The following THSD7B variants were observed in gnomAD, a reference collection of about 807,000 sequenced individuals.
The protein encoded by THSD7B is thrombospondin type-1 domain-containing protein 7B.
A neutral mutation model predicts 213.6 loss-of-function variants in THSD7B; 138 were observed. That is an observed-to-expected ratio of 0.65 (90% CI 0.56 to 0.74). THSD7B has a LOEUF of 0.74. THSD7B is among the 30% of genes least tolerant of loss of function. The probability of loss-of-function intolerance (pLI) is 0.00; values close to 1 mark genes in which losing one functional copy is unlikely to be tolerated. For missense variants in THSD7B, 1,931 were observed against 1,991.5 expected, an observed-to-expected ratio of 0.97 and a Z score of 0.58; for synonymous variants, 742 against 687.0, an observed-to-expected ratio of 1.08 and a Z score of -1.25.
At position 137,056,668 on chromosome 2, in the gene THSD7B, G is replaced by A. The variant is rs747686362; in HGVS notation, c.388G>A (p.Glu130Lys). ...ARGEVKPRTA[E>K]CVTAQHGLQH... ...CGGTGAAGTCAAGCCTCGGACTGCA[G>A]AGTGTGTGACGGCTCAGCATGGACT... The change falls in exon 3 of 28, where the codon GAG (glutamate) becomes AAG (lysine). Residue 130 changes from glutamate (E) to lysine (K), a missense_variant. Glu to Lys is a moderately conservative substitution (Grantham distance 56). Transcript: ENST00000409968. The A allele has an allele frequency of 6.2e-7, 1 of 1,614,012 alleles. No individual in the cohort carries two copies. The highest frequency in any genetic ancestry group is 8.5e-7 in the Non-Finnish European group (1 of 1,179,890).
At chr2:137,511,957 A>G (rs1679969413) in intron 15 of THSD7B, 1 of 152,162 alleles carries the variant, frequency 6.6e-6, no homozygotes, top group Non-Finnish European at 1.5e-5. Flanking sequence ...TTGCCACCCT[A>G]TATGAAGCAG....
intron 15 of THSD7B, among the ~76,000 whole-genome samples, chr2:137,530,498 T>C (rs116526199): frequency 1.5e-3 from 232 of 152,092 alleles, no homozygotes; most frequent in African/African-American, 5.3e-3. Flanking sequence ...AAATGACCCT[T>C]GAAATGACAA....
chr2:137,024,316 C>G (rs1573773229), intron 2 of THSD7B, among the ~76,000 whole-genome samples: 1 of 152,012 alleles, frequency 6.6e-6, no homozygotes, highest in Non-Finnish European at 1.5e-5. Context: ...AAAGTGTGAG[C>G]TGGAATTTGC....
At chr2:137,423,350 A>T (rs1686969234) in intron 14 of THSD7B, among the ~76,000 whole-genome samples, 1 of 152,122 alleles carries the variant, frequency 6.6e-6, no homozygotes, top group African/African-American at 2.4e-5. Flanking sequence ...GAGTTAAACT[A>T]CATCTATTGG....
chr2:136,886,461 A>C (rs975054744), intron 2 of THSD7B, among the ~76,000 whole-genome samples: 2 of 152,046 alleles, frequency 1.3e-5, no homozygotes, highest in Non-Finnish European at 2.9e-5. Context: ...GCTATATTAT[A>C]TTTAAGGCCA....
intron 8 of THSD7B, among the ~76,000 whole-genome samples, chr2:137,232,307 C>T (rs988642795): frequency 1.6e-4 from 25 of 152,296 alleles, no homozygotes; most frequent in Middle Eastern, 3.4e-3. Flanking sequence ...GGGGATAGCA[C>T]ATTGTCAGGT....
chr2:136,782,651 G>A (rs1039470362), intron 1 of THSD7B, among the ~76,000 whole-genome samples: 3 of 152,036 alleles, frequency 2.0e-5, no homozygotes, highest in Non-Finnish European at 4.4e-5. Context: ...TTGGTCAAAG[G>A]ATACATAATT....
intron 1 of THSD7B, among the ~76,000 whole-genome samples, chr2:136,802,653 A>ATATATATATG (rs1682209073): frequency 1.0e-5 from 1 of 96,990 alleles, no homozygotes; most frequent in African/African-American, 4.1e-5. Flanking sequence ...ATATATATAT[A>ATATATATATG]TATATATATA....
chr2:137,654,094 GT>G (rs1315253471), intron 21 of THSD7B, among the ~76,000 whole-genome samples: 1 of 152,014 alleles, frequency 6.6e-6, no homozygotes, highest in Non-Finnish European at 1.5e-5. Context: ...TAATTTAACT[GT>G]TGGTTTTCTT....
At chr2:137,383,700 TG>T (rs1272246465) in intron 12 of THSD7B, among the ~76,000 whole-genome samples, 1 of 152,200 alleles carries the variant, frequency 6.6e-6, no homozygotes, top group Non-Finnish European at 1.5e-5. Flanking sequence ...ACTGTACATA[TG>T]GCTTGCGTCC....
At chr2:137,022,868 G>A (rs960912255) in intron 2 of THSD7B, among the ~76,000 whole-genome samples, 3 of 152,078 alleles carry the variant, frequency 2.0e-5, no homozygotes, top group Admixed American at 2.0e-4. Context: ...ACTTAATTCT[G>A]CTGTTGTAGC....
chr2:137,674,527 T>C (rs1430314283), intron 27 of THSD7B, among the ~76,000 whole-genome samples: 1 of 152,192 alleles, frequency 6.6e-6, no homozygotes, highest in Non-Finnish European at 1.5e-5. Context: ...CAGGACTCCA[T>C]GTCAAGTGGG....
intron 1 of THSD7B, among the ~76,000 whole-genome samples, chr2:136,843,563 A>T (rs955726076): frequency 6.6e-6 from 1 of 152,172 alleles, no homozygotes; most frequent in Admixed American, 6.5e-5. Context: ...GTGGAATCTG[A>T]TAAATAAGAC....
intron 12 of THSD7B, among the ~76,000 whole-genome samples, chr2:137,279,029 CA>C (rs1208953188): frequency 6.6e-6 from 1 of 151,524 alleles, no homozygotes; most frequent in East Asian, 1.9e-4. Flanking sequence ...GTGTTGTCTT[CA>C]AAAAAACAGC....
At chr2:137,262,799 T>C (rs761243492) in intron 10 of THSD7B, among the ~76,000 whole-genome samples, 7 of 152,178 alleles carry the variant, frequency 4.6e-5, no homozygotes, top group Non-Finnish European at 1.0e-4. Flanking sequence ...TAAAACATGC[T>C]AATACTTCAG....
chr2:137,216,342 G>T (rs1361739290), intron 7 of THSD7B, among the ~76,000 whole-genome samples: 1 of 134,948 alleles, frequency 7.4e-6, no homozygotes, highest in African/African-American at 2.8e-5. Flanking sequence ...CTAGGTTAGA[G>T]AAACAATATT....
intron 2 of THSD7B, among the ~76,000 whole-genome samples, chr2:136,955,196 T>C (rs188394867): frequency 9.3e-4 from 142 of 152,286 alleles, no homozygotes; most frequent in African/African-American, 3.3e-3. Flanking sequence ...AGCAATATAA[T>C]TGTGTGCAAT....
intron 1 of THSD7B, among the ~76,000 whole-genome samples, chr2:136,785,525 C>T (rs1442294796): frequency 6.6e-6 from 1 of 152,178 alleles, no homozygotes; most frequent in Non-Finnish European, 1.5e-5. Context: ...TCCACCACTC[C>T]TTTTCATAGA....
chr2:137,215,009 C>T (rs1681204344), intron 7 of THSD7B, among the ~76,000 whole-genome samples: 2 of 152,202 alleles, frequency 1.3e-5, no homozygotes, highest in African/African-American at 2.4e-5. Flanking sequence ...AATCCCTACA[C>T]TGTCTTCCAC....
Sources: allele counts gnomAD v4.1 joint callset (sites outside exome capture counted in the v4.1 genomes callset), GRCh38; gene constraint gnomAD v4.1.1; transcripts MANE v1.5; gene names NCBI Gene and HGNC (gene_info 2026-07-23, HGNC 2026-07-21).